SLC17A1: variants seen among roughly 807,000 people sequenced by gnomAD.
SLC17A1 encodes the protein sodium-dependent phosphate transport protein 1.
In SLC17A1, 51 loss-of-function variants were observed where a neutral mutation model predicts 53.5. The ratio of observed to expected loss-of-function variants is 0.95; its 90% CI spans 0.76 to 1.20. The LOEUF (loss-of-function observed/expected upper bound fraction) is 1.20, where lower values mean the gene tolerates loss of function less well. Ranked by LOEUF, SLC17A1 falls within the 50% of genes most tolerant of loss-of-function variation. The probability of loss-of-function intolerance (pLI) is 0.00; values close to 1 mark genes in which losing one functional copy is unlikely to be tolerated. For missense variants in SLC17A1, 538 were observed against 568.2 expected, an observed-to-expected ratio of 0.95 and a Z score of 0.54; for synonymous variants, 179 against 198.8, an observed-to-expected ratio of 0.90 and a Z score of 0.84.
intron 2 of SLC17A1, among the ~76,000 whole-genome samples, chr6:25,827,827 C>T (rs1253436258): frequency 1.3e-5 from 2 of 152,148 alleles, no homozygotes; most frequent in Non-Finnish European, 2.9e-5. Flanking sequence ...ACTTAGAATT[C>T]TGCCTACTAC....
At chr6:25,821,162 T>G (rs1284020381) in intron 3 of SLC17A1, among the ~76,000 whole-genome samples, 1 of 152,212 alleles carries the variant, frequency 6.6e-6, no homozygotes, top group African/African-American at 2.4e-5. Context: ...GTGCTGGATG[T>G]TATTTTTGGT....
chr6:25,732,882 AC>A, the SLC17A1 span: 1 of 217,050 alleles, frequency 4.6e-6, no homozygotes, highest in Non-Finnish European at 9.2e-6. Flanking sequence ...TCTAGAAGAA[AC>A]AAAAACAAAA....
intron 3 of SLC17A1, among the ~76,000 whole-genome samples, chr6:25,823,276 C>T (rs961230082): frequency 3.3e-5 from 5 of 152,048 alleles, no homozygotes; most frequent in African/African-American, 1.2e-4. Context: ...GTTTATAGAA[C>T]ATTTATGTAC....
Position 25,807,715 on chromosome 6 carries a change from T to C in SLC17A1, c.1178+3683A>G, listed in dbSNP as rs1764008244. On this transcript the variant is annotated intron_variant, in intron 10 of 12. Coordinates refer to ENST00000244527, the MANE Select transcript of SLC17A1 (RefSeq NM_005074.5). ...ATAAGTGAGAACATAGAATGTTTGA[T>C]TTTCCATTCCTGAGTTACAAGTTAC... 2.6e-5 allele frequency among the ~76,000 whole-genome samples: 4 copies of C among 152,230 alleles called. 1 individual carries two copies. In the South Asian group the frequency reaches 8.3e-4, roughly 32 times the overall value.
the SLC17A1 span, among the ~76,000 whole-genome samples, chr6:25,749,784 A>G: frequency 6.6e-6 from 1 of 151,976 alleles, no homozygotes; most frequent in Non-Finnish European, 1.5e-5. Context: ...GGATCATGTG[A>G]CTTACTTTGA....
At chr6:25,831,105 C>T (rs1764930306) in intron 1 of SLC17A1, among the ~76,000 whole-genome samples, 2 of 152,192 alleles carry the variant, frequency 1.3e-5, no homozygotes, top group Non-Finnish European at 2.9e-5. Context: ...ATAAGATCAA[C>T]TCAAGCAGAG....
chr6:25,825,518 T>A (rs1350231622), intron 3 of SLC17A1, among the ~76,000 whole-genome samples: 2 of 152,062 alleles, frequency 1.3e-5, no homozygotes, highest in Non-Finnish European at 2.9e-5. Context: ...CTGTAATTCT[T>A]ATATTTGTTC....
At chr6:25,792,885 C>A (rs531563308) in intron 12 of SLC17A1, among the ~76,000 whole-genome samples, 2 of 152,282 alleles carry the variant, frequency 1.3e-5, no homozygotes, top group South Asian at 4.1e-4. Context: ...CTCACTTGAA[C>A]CTCTGAAACA....
intron 6 of SLC17A1, among the ~76,000 whole-genome samples, chr6:25,816,017 T>C (rs1490748754): frequency 6.6e-6 from 1 of 152,048 alleles, no homozygotes; most frequent in Non-Finnish European, 1.5e-5. Context: ...ATAAATCCAC[T>C]TTTCTTGTAC....
chr6:25,785,107 C>G (rs1263029764), intron 12 of SLC17A1, among the ~76,000 whole-genome samples: 1 of 152,072 alleles, frequency 6.6e-6, no homozygotes, highest in Non-Finnish European at 1.5e-5. Context: ...TATACACTTG[C>G]AATGAGCCAT....
intron 12 of SLC17A1, among the ~76,000 whole-genome samples, chr6:25,793,456 T>G (rs1046403733): frequency 3.9e-5 from 6 of 152,170 alleles, no homozygotes; most frequent in Non-Finnish European, 7.3e-5. Flanking sequence ...GAATACTCAC[T>G]GACCTCCAGC....
chr6:25,811,832 G>A, intron 8 of SLC17A1, 62 bp from the exon 9 acceptor site: 1 of 1,552,172 alleles, frequency 6.4e-7, no homozygotes, highest in Non-Finnish European at 8.8e-7. Flanking sequence ...GACACACAGA[G>A]TAATCCCTAT....
the SLC17A1 span, chr6:25,732,239 C>T: frequency 2.2e-5 from 7 of 324,008 alleles, no homozygotes; most frequent in South Asian, 1.4e-4. Flanking sequence ...TAGGCATGGC[C>T]CTCAACCTAC....
At chr6:25,799,603 A>G (rs983212698) in intron 11 of SLC17A1, among the ~76,000 whole-genome samples, 1 of 152,234 alleles carries the variant, frequency 6.6e-6, no homozygotes, top group East Asian at 1.9e-4. Flanking sequence ...CTCAAATTTC[A>G]AATGCTCAGA....
chr6:25,809,601 G>A (rs1389232819), intron 10 of SLC17A1, among the ~76,000 whole-genome samples: 19 of 151,926 alleles, frequency 1.3e-4, no homozygotes, highest in Non-Finnish European at 2.7e-4. Context: ...TAAAATGTTG[G>A]TGGAAGATAT....
chr6:25,768,796 T>C, the SLC17A1 span, among the ~76,000 whole-genome samples: 138,497 of 152,260 alleles, frequency 0.91, 63,112 homozygotes, highest in East Asian at 0.98. Flanking sequence ...CTGAGAAATG[T>C]TTCTGAGGGA....
intron 6 of SLC17A1, among the ~76,000 whole-genome samples, chr6:25,815,155 GAGAA>G (rs1764303627): frequency 2.9e-5 from 4 of 139,866 alleles, no homozygotes; most frequent in Non-Finnish European, 6.1e-5. Context: ...GAAAGAAATA[GAGAA>G]AGAGAGAAAG....
chr6:25,726,635 C>T, the SLC17A1 span: 1 of 1,329,600 alleles, frequency 7.5e-7, no homozygotes, highest in Non-Finnish European at 1.0e-6. Context: ...TGGCTGATGG[C>T]CGTCTACCCA....
chr6:25,803,075 T>G (rs1218936766), intron 10 of SLC17A1, among the ~76,000 whole-genome samples: 1 of 149,822 alleles, frequency 6.7e-6, no homozygotes, highest in East Asian at 2.0e-4. Context: ...GCCTTCCGAG[T>G]AGCTGGGACT....
Sources: allele counts gnomAD v4.1 joint callset (sites outside exome capture counted in the v4.1 genomes callset), GRCh38; gene constraint gnomAD v4.1.1; transcripts MANE v1.5; gene names NCBI Gene and HGNC (gene_info 2026-07-23, HGNC 2026-07-21).